The following EYS variants were observed in gnomAD, a reference collection of about 807,000 sequenced individuals.
EYS encodes the protein protein eyes shut homolog.
EYS carries 250 observed loss-of-function variants against 282.1 expected under a neutral mutation model. The observed-to-expected ratio is 0.89, with a 90% CI of 0.80 to 0.98. The LOEUF is 0.98. Ranked by LOEUF, EYS falls within the 50% of genes least tolerant of loss-of-function variation. The pLI is 0.00. For synonymous variants in EYS, 1,355 were observed against 1,282.9 expected, an observed-to-expected ratio of 1.06 and a Z score of -1.20; for missense variants, 4,016 against 3,709.0, an observed-to-expected ratio of 1.08 and a Z score of -2.15.
intron 12 of EYS, among the ~76,000 whole-genome samples, chr6:65,151,143 A>T (rs1243214749): frequency 6.6e-6 from 1 of 151,956 alleles, no homozygotes; most frequent in Non-Finnish European, 1.5e-5. Flanking sequence ...CTATTTACTC[A>T]ATTTGATACT....
At chr6:63,757,618 A>C (rs1189426066) in intron 41 of EYS, among the ~76,000 whole-genome samples, 1 of 152,124 alleles carries the variant, frequency 6.6e-6, no homozygotes, top group African/African-American at 2.4e-5. Context: ...TCAGGTGGGC[A>C]TCACACACCT....
chr6:64,979,332 GT>G (rs1431751715), intron 14 of EYS, among the ~76,000 whole-genome samples: 2 of 151,718 alleles, frequency 1.3e-5, no homozygotes, highest in African/African-American at 4.8e-5. Context: ...ATGAAACTAT[GT>G]TAGTGTACTA....
chr6:64,380,384 C>T (rs995698583), intron 29 of EYS, among the ~76,000 whole-genome samples: 7 of 152,080 alleles, frequency 4.6e-5, no homozygotes, highest in Admixed American at 6.6e-5. Flanking sequence ...AAACTCAGTA[C>T]TGATGTTGCT....
At chr6:65,291,462 G>A (rs926351801) in intron 12 of EYS, among the ~76,000 whole-genome samples, 1 of 151,268 alleles carries the variant, frequency 6.6e-6, no homozygotes, top group South Asian at 2.1e-4. Flanking sequence ...TAAATACTTC[G>A]AAGCCATAAA....
intron 26 of EYS, among the ~76,000 whole-genome samples, chr6:64,581,250 G>T (rs62415820): frequency 0.1 from 15,309 of 152,028 alleles, 907 homozygotes; most frequent in East Asian, 0.16. Context: ...ACATTTAAGT[G>T]GTCAGCATGT....
intron 34 of EYS, among the ~76,000 whole-genome samples, chr6:63,992,185 C>T (rs1767634948): frequency 6.6e-6 from 1 of 151,660 alleles, no homozygotes; most frequent in Non-Finnish European, 1.5e-5. Context: ...GGTATGTATA[C>T]AAATATAGAA....
chr6:63,929,397 T>C (rs1480848723), intron 35 of EYS, among the ~76,000 whole-genome samples: 1 of 152,202 alleles, frequency 6.6e-6, no homozygotes, highest in African/African-American at 2.4e-5. Flanking sequence ...AAGCAACTGA[T>C]GGAGTGTTCT....
intron 40 of EYS, among the ~76,000 whole-genome samples, chr6:63,770,817 C>T (rs1769909842): frequency 6.6e-6 from 1 of 152,090 alleles, no homozygotes; most frequent in Admixed American, 6.6e-5. Context: ...AGTGTTAAAA[C>T]AAATGAACCT....
chr6:64,919,816 A>T (rs1250960106), intron 15 of EYS, among the ~76,000 whole-genome samples: 27 of 152,096 alleles, frequency 1.8e-4, no homozygotes, highest in Non-Finnish European at 2.9e-5. Flanking sequence ...AGTATTTCTA[A>T]AAAACAATTC....
chr6:64,349,489 G>A (rs1405227658), intron 29 of EYS, among the ~76,000 whole-genome samples: 1 of 151,082 alleles, frequency 6.6e-6, no homozygotes, highest in Non-Finnish European at 1.5e-5. Flanking sequence ...TGAACAATTA[G>A]GAAAATGCCA....
chr6:65,386,510 C>G (rs1242153748), intron 7 of EYS, among the ~76,000 whole-genome samples: 4 of 151,764 alleles, frequency 2.6e-5, no homozygotes. Context: ...ACTTCCAAGT[C>G]TTACTCATAA....
chr6:64,239,063 C>T (rs1766706550), intron 30 of EYS, among the ~76,000 whole-genome samples: 2 of 152,304 alleles, frequency 1.3e-5, no homozygotes, highest in South Asian at 4.1e-4. Context: ...TCATCCATGT[C>T]CCTGCAAAGG....
intron 21 of EYS, among the ~76,000 whole-genome samples, chr6:64,820,768 G>A (rs531047601): frequency 1.3e-5 from 2 of 152,054 alleles, no homozygotes; most frequent in East Asian, 3.9e-4. Flanking sequence ...TTCCATCTTG[G>A]TTCTCCGTGA....
chr6:65,035,408 A>ATGATATGAT (rs145770115), intron 13 of EYS, among the ~76,000 whole-genome samples: 4,162 of 152,010 alleles, frequency 0.027, 138 homozygotes, highest in East Asian at 0.16. Flanking sequence ...GGAAGTCACC[A>ATGATATGAT]TGATATGATT....
intron 35 of EYS, among the ~76,000 whole-genome samples, chr6:63,875,895 A>T (rs1772955440): frequency 6.6e-6 from 1 of 150,800 alleles, no homozygotes; most frequent in Non-Finnish European, 1.5e-5. Flanking sequence ...GCGGTCTATC[A>T]ATTTTGTTGA....
In EYS at chr6:65,152,981, CCAAAAAAAAAAAAAAGT is replaced by C. The variant is rs1764648217; in HGVS notation, c.2024-95271_2024-95255del. 2.0e-5 allele frequency among the ~76,000 whole-genome samples: 3 copies of C among 147,670 alleles called. No individual in the cohort carries two copies. In the South Asian group the frequency reaches 6.4e-4, roughly 32 times the overall value. ...CACAGACGGCGACACTTGTATTAGA[CCAAAAAAAAAAAAAAGT>C]CAAAAACTGCAACTTGCCTCCCGTG... On this transcript the variant is annotated intron_variant, in intron 12 of 42. Coordinates refer to ENST00000503581, the MANE Select transcript of EYS (RefSeq NM_001142800.2).
intron 33 of EYS, among the ~76,000 whole-genome samples, chr6:64,036,920 G>A (rs1770151152): frequency 6.6e-6 from 1 of 152,150 alleles, no homozygotes; most frequent in South Asian, 2.1e-4. Flanking sequence ...CAATGCACAT[G>A]ATTTCAACTA....
At chr6:65,160,549 C>A (rs1168279569) in intron 12 of EYS, among the ~76,000 whole-genome samples, 1 of 150,760 alleles carries the variant, frequency 6.6e-6, no homozygotes, top group African/African-American at 2.4e-5. Flanking sequence ...TTGGCAACCA[C>A]CCCATTGAAT....
chr6:65,018,301 G>C lies in EYS; in HGVS notation c.2138-20598C>G, dbSNP rs1433231866. Among the ~76,000 whole-genome samples the C allele has an allele frequency of 6.6e-5, 10 of 151,332 alleles. No individual in the cohort carries two copies. In the East Asian group the frequency reaches 1.4e-3, roughly 20 times the overall value. On this transcript the variant is annotated intron_variant, in intron 13 of 42. Coordinates refer to ENST00000503581, the MANE Select transcript of EYS (RefSeq NM_001142800.2). ...TTGGTTCCTTCTGAGGGCTGTAAGA[G>C]AGAATGTGTTCCATGTCTCTCCTCT...
Sources: allele counts gnomAD v4.1 joint callset (sites outside exome capture counted in the v4.1 genomes callset), GRCh38; gene constraint gnomAD v4.1.1; transcripts MANE v1.5; gene names NCBI Gene and HGNC (gene_info 2026-07-23, HGNC 2026-07-21).